Variants in OIP5 observed in about 807,000 individuals in gnomAD.
The protein encoded by OIP5 is Opa interacting protein 5, also known as protein Mis18-beta.
In OIP5, 24 loss-of-function variants were observed where a neutral mutation model predicts 20.3. The ratio of observed to expected loss-of-function variants is 1.18; its 90% CI spans 0.86 to 1.66. The LOEUF is 1.66. Among genes scored for constraint, OIP5 ranks in the 40% most tolerant of loss-of-function variants. The pLI is 0.00. For missense variants in OIP5, 339 were observed against 289.5 expected (o/e 1.17, Z -1.24); for synonymous variants, 143 against 121.3 (o/e 1.18, Z -1.17).
intron 2 of OIP5, among the ~76,000 whole-genome samples, chr15:41,323,783 G>C (rs767512098): frequency 6.6e-6 from 1 of 151,934 alleles, no homozygotes; most frequent in Non-Finnish European, 1.5e-5. Context: ...TTTGAAGCCA[G>C]GTAATGACTT....
rs1217500071 is a variant in OIP5, at chr15:41,309,870, A to G, written c.595-21T>C. 9.3e-6 allele frequency: 14 copies of G among 1,503,858 alleles called. No homozygotes were observed. In the Admixed American group the frequency reaches 2.0e-4, roughly 21 times the overall value. The allele number at this position is 1,503,858 out of a possible 1,614,324, so 93.2% of individuals were successfully genotyped here. A position where few individuals can be genotyped will look rare whatever the true frequency, so the allele number is the denominator to read the frequency against. ...TTCAGCTAGGAAGAGAAATATATAGATATCAGGGCATCTTTTTTTATTTTT... is the reference window on the plus strand; with the variant it reads ...TTCAGCTAGGAAGAGAAATATATAGGTATCAGGGCATCTTTTTTTATTTTT... On this transcript the variant is annotated intron_variant, in intron 4 of 4. Coordinates refer to ENST00000220514, the MANE Select transcript of OIP5 (RefSeq NM_007280.2).
chr15:41,331,858 C>A, intron 2 of OIP5, 57 bp downstream of exon 2: 1 of 1,434,252 alleles, frequency 7.0e-7, no homozygotes, highest in Admixed American at 1.7e-5. Context: ...GTCAGTTCCA[C>A]GATCCTCAGT....
rs755161243 is a variant in OIP5, at chr15:41,313,265, A to G, written c.594+8T>C. On this transcript the variant is annotated splice_region_variant and intron_variant, in intron 4 of 4. Transcript: ENST00000220514. ...TTAAAAAAGCATACAACCATCATGA[A>G]ATTTTACCTCTGCAATCTTTTCTGA... 3.2e-6 allele frequency: 5 copies of G among 1,545,108 alleles called. No homozygotes were observed. Among genetic ancestry groups the G allele is most frequent in the Non-Finnish European group, 2.7e-6 (3 of 1,123,570 alleles).
At chr15:41,322,684 C>T (rs2047837818) in intron 2 of OIP5, among the ~76,000 whole-genome samples, 1 of 152,138 alleles carries the variant, frequency 6.6e-6, no homozygotes, top group Non-Finnish European at 1.5e-5. Flanking sequence ...CCTGTAATCC[C>T]AGCACTTTGG....
chr15:41,316,789 CAAAAAAAA>C (rs11385589), intron 3 of OIP5, among the ~76,000 whole-genome samples: 1 of 61,904 alleles, frequency 1.6e-5, no homozygotes, highest in Non-Finnish European at 3.1e-5. Flanking sequence ...GACTCCATCT[CAAAAAAAA>C]AAAAAAAAAA....
At position 41,319,724 on chromosome 15, in the gene OIP5, T is replaced by C. The variant is rs779321638; in HGVS notation, c.446A>G (p.Tyr149Cys). 6.2e-7 allele frequency: 1 copy of C among 1,613,788 alleles called. No homozygotes were observed. The highest frequency in any genetic ancestry group is 1.1e-5 in the South Asian group (1 of 91,074). The change falls in exon 3 of 5, where the codon TAT (tyrosine) becomes TGT (cysteine). Residue 149 changes from tyrosine (Y) to cysteine (C), a missense_variant. By Grantham distance (194) the Tyr-to-Cys change is radical (BLOSUM62 -2). Coordinates refer to ENST00000220514, the MANE Select transcript of OIP5 (RefSeq NM_007280.2). ...GGCAGCCAGGGCAGCATGGGTAGAA[T>C]ACAGATGGAAACCAACGGGAATCCC... ...SCGIPVGFHL[Y>C]STHAALAALR... is the part of the protein sequence containing the mutation.
Position 41,332,538 on chromosome 15 carries a change from ATGCCGCAGCGGCTGAGCCGCCATCT to A in OIP5, c.-2_23del. ...GGGGCGGCGTTGCACAACGTGAGCG[ATGCCGCAGCGGCTGAGCCGCCATCT>A]TCCCGCAGCCGGCGCCTTCCTTTCG... is the stretch of plus-strand genomic sequence containing the variant. On this transcript the variant is annotated start_lost and 5_prime_UTR_variant, in exon 1 of 5. Coordinates refer to ENST00000220514, the MANE Select transcript of OIP5 (RefSeq NM_007280.2). 2 of 1,609,058 alleles carry A rather than the reference ATGCCGCAGCGGCTGAGCCGCCATCT, an allele frequency of 1.2e-6. No individual in the cohort carries two copies. The highest frequency in any genetic ancestry group is 1.7e-6 in the Non-Finnish European group (2 of 1,177,780).
At chr15:41,327,698 G>A (rs1164139631) in intron 2 of OIP5, among the ~76,000 whole-genome samples, 1 of 152,060 alleles carries the variant, frequency 6.6e-6, no homozygotes, top group African/African-American at 2.4e-5. Context: ...TGAGGCAGGG[G>A]AATCACTTGA....
chr15:41,331,681 C>T (rs2047916579), intron 2 of OIP5, among the ~76,000 whole-genome samples: 1 of 152,206 alleles, frequency 6.6e-6, no homozygotes, highest in Non-Finnish European at 1.5e-5. Flanking sequence ...CTAGATACAT[C>T]TTTCTTAGCC....
At chr15:41,311,510 C>T (rs142618270) in intron 4 of OIP5, among the ~76,000 whole-genome samples, 61 of 152,246 alleles carry the variant, frequency 4.0e-4, no homozygotes, top group African/African-American at 1.4e-3. Context: ...AATATTCTTC[C>T]TGGATCCTAT....
At chr15:41,325,429 A>C (rs929899215) in intron 2 of OIP5, among the ~76,000 whole-genome samples, 3 of 152,012 alleles carry the variant, frequency 2.0e-5, no homozygotes, top group African/African-American at 4.8e-5. Context: ...AATAAAAATA[A>C]AAACTGCCAG....
At chr15:41,329,377 G>A (rs1244085240) in intron 2 of OIP5, among the ~76,000 whole-genome samples, 2 of 146,348 alleles carry the variant, frequency 1.4e-5, no homozygotes, top group Non-Finnish European at 3.0e-5. Context: ...GTGTAGTGGT[G>A]CGATCTTGGC....
intron 4 of OIP5, 45 bp downstream of exon 4, chr15:41,313,228 G>A (rs2047769829): frequency 8.7e-7 from 1 of 1,155,104 alleles, no homozygotes. Flanking sequence ...GTTATCAAGA[G>A]TTGTCTGTAT....
intron 3 of OIP5, among the ~76,000 whole-genome samples, chr15:41,315,059 C>G (rs2047781024): frequency 6.7e-6 from 1 of 148,600 alleles, no homozygotes. Flanking sequence ...CTGCAGTGAA[C>G]CATGATCGCT....
chr15:41,326,177 CAAAA>C (rs1319505201), intron 2 of OIP5, among the ~76,000 whole-genome samples: 1 of 151,944 alleles, frequency 6.6e-6, no homozygotes, highest in Non-Finnish European at 1.5e-5. Flanking sequence ...AACAAACAAA[CAAAA>C]AAGCAGTATC....
At chr15:41,328,930 G>C (rs2047879063) in intron 2 of OIP5, among the ~76,000 whole-genome samples, 1 of 151,742 alleles carries the variant, frequency 6.6e-6, no homozygotes, top group Non-Finnish European at 1.5e-5. Flanking sequence ...GCCAGGCATA[G>C]TGGCGTGCGC....
At chr15:41,310,730 T>TCA (rs1461027046) in intron 4 of OIP5, among the ~76,000 whole-genome samples, 1 of 152,136 alleles carries the variant, frequency 6.6e-6, no homozygotes, top group Non-Finnish European at 1.5e-5. Context: ...TAAAGTCTGG[T>TCA]CACAGTGCTT....
chr15:41,321,008 G>A (rs1461832353), intron 2 of OIP5, among the ~76,000 whole-genome samples: 20 of 150,970 alleles, frequency 1.3e-4, no homozygotes, highest in African/African-American at 1.9e-4. Context: ...GTCTCTGCCC[G>A]GCTGCCCCAT....
chr15:41,320,548 G>A (rs914873814), intron 2 of OIP5, among the ~76,000 whole-genome samples: 5 of 152,164 alleles, frequency 3.3e-5, no homozygotes, highest in African/African-American at 4.8e-5. Flanking sequence ...CCAGGGTGCC[G>A]GGATTGCAGA....
Sources: allele counts gnomAD v4.1 joint callset (sites outside exome capture counted in the v4.1 genomes callset), GRCh38; gene constraint gnomAD v4.1.1; transcripts MANE v1.5; gene names NCBI Gene and HGNC (gene_info 2026-07-23, HGNC 2026-07-21).